Variants in NID1 observed in about 807,000 individuals in gnomAD.
The protein encoded by NID1 is nidogen 1.
In NID1, 76 loss-of-function variants were observed where a neutral mutation model predicts 130.6. The ratio of observed to expected loss-of-function variants is 0.58; its 90% CI spans 0.48 to 0.70. The LOEUF (loss-of-function observed/expected upper bound fraction) is 0.70, where lower values mean the gene tolerates loss of function less well. Ranked by LOEUF, NID1 falls within the 30% of genes least tolerant of loss-of-function variation. NID1 has a pLI of 0.00. For synonymous variants in NID1, 665 were observed against 675.1 expected, an observed-to-expected ratio of 0.98 and a Z score of 0.23; for missense variants, 1,517 against 1,664.8, an observed-to-expected ratio of 0.91 and a Z score of 1.54.
chr1:236,031,440 C>T (rs1335287329), intron 6 of NID1, among the ~76,000 whole-genome samples: 1 of 152,140 alleles, frequency 6.6e-6, no homozygotes, highest in Non-Finnish European at 1.5e-5. Context: ...TAATAGATAG[C>T]CTCTCCTTTC....
chr1:235,981,974 A>C (rs935943341), intron 15 of NID1, among the ~76,000 whole-genome samples, 192 bp from the exon 16 acceptor site: 3 of 152,190 alleles, frequency 2.0e-5, no homozygotes, highest in African/African-American at 7.2e-5. Flanking sequence ...AATGCCATTT[A>C]CTCACTCTGT....
At position 235,985,724 on chromosome 1, in the gene NID1, TTGTG is replaced by T. The variant is rs759787113; in HGVS notation, c.2929-223_2929-220del. On this transcript the variant is annotated intron_variant, in intron 14 of 19. Coordinates refer to ENST00000264187, the MANE Select transcript of NID1 (RefSeq NM_002508.3). Reference sequence around the variant, plus strand: ...TATGCACATCTATATGTATAGGAATTTGTGTGTGTGTGTGTGTGTGTGTGTGTGT... The same window carrying T: ...TATGCACATCTATATGTATAGGAATTTGTGTGTGTGTGTGTGTGTGTGTGT... 3.2e-3 allele frequency among the ~76,000 whole-genome samples: 473 copies of T among 147,668 alleles called. 1 individual carries two copies. The highest frequency in any genetic ancestry group is 0.02 in the East Asian group (91 of 4,648).
chr1:236,061,526 C>T (rs1369619491), intron 1 of NID1, among the ~76,000 whole-genome samples: 4 of 151,990 alleles, frequency 2.6e-5, no homozygotes, highest in Non-Finnish European at 4.4e-5. Flanking sequence ...AGTGCAATGG[C>T]GCGATCTTGG....
At chr1:236,051,484 A>G (rs1019723176) in intron 1 of NID1, among the ~76,000 whole-genome samples, 10 of 152,218 alleles carry the variant, frequency 6.6e-5, no homozygotes, top group Non-Finnish European at 1.3e-4. Flanking sequence ...TGAAATGCAG[A>G]CTTAACAAAA....
At chr1:235,994,512 A>G (rs920802422) in intron 12 of NID1, among the ~76,000 whole-genome samples, 1 of 152,214 alleles carries the variant, frequency 6.6e-6, no homozygotes, top group Non-Finnish European at 1.5e-5. Flanking sequence ...GAATGTTGTC[A>G]AGCTTTATCC....
chr1:236,014,700 T>C (rs1382299060), intron 10 of NID1, among the ~76,000 whole-genome samples: 3 of 152,134 alleles, frequency 2.0e-5, no homozygotes, highest in African/African-American at 7.2e-5. Context: ...CTGGGCCCTG[T>C]TCTTCCCTCA....
At chr1:236,001,459 A>T (rs2102807957) in intron 12 of NID1, among the ~76,000 whole-genome samples, 1 of 152,212 alleles carries the variant, frequency 6.6e-6, no homozygotes, top group East Asian at 1.9e-4. Context: ...CCAAATAGAC[A>T]CTTGTTAGTC....
intron 9 of NID1, among the ~76,000 whole-genome samples, chr1:236,019,172 C>A (rs1027005837): frequency 6.6e-6 from 1 of 152,254 alleles, no homozygotes; most frequent in African/African-American, 2.4e-5. Context: ...GTTATGCAAG[C>A]TGGAGCTGGG....
At position 236,025,889 on chromosome 1, in the gene NID1, C is replaced by T. The variant is rs1002001091; in HGVS notation, c.1984+7G>A. 3 of 1,613,480 alleles carry T rather than the reference C, an allele frequency of 1.9e-6. No individual in the cohort carries two copies. The highest frequency in any genetic ancestry group is 1.7e-6 in the Non-Finnish European group (2 of 1,179,624). ...ACCTGTGCCCAGCATGAGCTGTATC[C>T]CCTTACCCCTCACAGGCCCAATGGA... On this transcript the variant is annotated splice_region_variant and intron_variant, in intron 8 of 19. Coordinates refer to ENST00000264187, the MANE Select transcript of NID1 (RefSeq NM_002508.3).
rs1450473403 is a variant in NID1, at chr1:236,045,570, G to T, written c.639C>A (p.Asn213Lys). The T allele has an allele frequency of 1.2e-6, 2 of 1,614,020 alleles. No individual in the cohort carries two copies. The highest frequency in any genetic ancestry group is 2.7e-5 in the African/African-American group (2 of 74,930). The change falls in exon 3 of 20, where the codon AAC becomes AAA. Residue 213 changes from asparagine (N) to lysine (K), a missense_variant. Physicochemically the swap from Asn to Lys is moderately conservative, Grantham distance 94 (BLOSUM62 0). Coordinates refer to ENST00000264187, the MANE Select transcript of NID1 (RefSeq NM_002508.3). ...FHTTFSKKENNQVPAVVAFSQ... is the reference protein window; with the variant it reads ...FHTTFSKKENKQVPAVVAFSQ... ...TGAATGCAACCACGGCAGGAACTTG[G>T]TTGTTTTCCTTCTTTGAGAATGTCG...
At chr1:235,981,500 T>C in intron 16 of NID1, 111 bp downstream of exon 16, 1 of 1,193,168 alleles carries the variant, frequency 8.4e-7, no homozygotes, top group South Asian at 1.5e-5. Context: ...TTTCGTCCCG[T>C]ACTCATTAAT....
chr1:236,064,049 C>G (rs995542303), intron 1 of NID1, among the ~76,000 whole-genome samples: 2 of 152,210 alleles, frequency 1.3e-5, no homozygotes, highest in African/African-American at 4.8e-5. Flanking sequence ...CCCCCTTCCC[C>G]CGGCCAACCC....
chr1:235,996,995 C>T (rs1405036664), intron 12 of NID1, among the ~76,000 whole-genome samples: 19 of 152,126 alleles, frequency 1.2e-4, no homozygotes, highest in Admixed American at 9.8e-4. Flanking sequence ...CCACCATGCC[C>T]GGCTAATTTT....
intron 6 of NID1, among the ~76,000 whole-genome samples, chr1:236,031,027 T>C (rs2102830636): frequency 6.6e-6 from 1 of 152,292 alleles, no homozygotes; most frequent in East Asian, 1.9e-4. Context: ...GTTATAACAC[T>C]CAGAATATAT....
chr1:236,061,746 A>G (rs78055612), intron 1 of NID1, among the ~76,000 whole-genome samples: 3 of 151,082 alleles, frequency 2.0e-5, no homozygotes, highest in African/African-American at 7.3e-5. Context: ...AAAAAACACG[A>G]TTTTTTTTTA....
intron 6 of NID1, among the ~76,000 whole-genome samples, chr1:236,030,272 T>C (rs2102830077): frequency 6.6e-6 from 1 of 152,320 alleles, no homozygotes; most frequent in South Asian, 2.1e-4. Context: ...GCTACCATGA[T>C]GGCTTAGGAA....
chr1:236,062,346 C>G (rs889564004), intron 1 of NID1, among the ~76,000 whole-genome samples: 5 of 152,136 alleles, frequency 3.3e-5, no homozygotes, highest in African/African-American at 9.7e-5. Flanking sequence ...ACTTAGAAAT[C>G]TCTAATGGCC....
chr1:235,995,353 T>A (rs1272608135), intron 12 of NID1, among the ~76,000 whole-genome samples: 1 of 152,188 alleles, frequency 6.6e-6, no homozygotes, highest in Non-Finnish European at 1.5e-5. Context: ...GAGACTTGAG[T>A]ACCTGTGGAT....
intron 9 of NID1, among the ~76,000 whole-genome samples, chr1:236,018,555 G>C (rs1658665668): frequency 6.6e-6 from 1 of 152,152 alleles, no homozygotes; most frequent in Admixed American, 6.5e-5. Context: ...GAGCTAACCT[G>C]TCATTCCCCC....
Sources: gnomAD v4.1 joint callset for allele counts (sites outside exome capture counted in the v4.1 genomes callset) on GRCh38, gnomAD v4.1.1 for gene constraint, MANE v1.5 for transcripts, NCBI Gene and HGNC (gene_info 2026-07-23, HGNC 2026-07-21) for gene names.